SPCS3: variants seen among roughly 807,000 people sequenced by gnomAD.
The protein encoded by SPCS3 is SPase 22 kDa subunit.
SPCS3 carries 9 observed loss-of-function variants against 17.2 expected under a neutral mutation model. The observed-to-expected ratio is 0.52, with a 90% CI of 0.31 to 0.91. The LOEUF is 0.91. Among genes scored for constraint, SPCS3 ranks in the 40% least tolerant of loss-of-function variants. SPCS3 has a pLI of 0.04. For synonymous variants in SPCS3, 87 were observed against 89.6 expected (o/e 0.97, Z 0.16); for missense variants, 139 against 217.5 (o/e 0.64, Z 2.27).
rs770442267 is a variant in SPCS3 at position 176,328,219 on chromosome 4, G to T, written c.432G>T (p.Leu144Phe). 3 of 1,612,658 alleles carry T rather than the reference G, an allele frequency of 1.9e-6. No individual in the cohort carries two copies. The highest frequency in any genetic ancestry group is 2.7e-5 in the African/African-American group (2 of 74,782). The change falls in exon 5 of 5, where the codon TTG becomes TTT. Residue 144 changes from leucine to phenylalanine, a missense_variant. Leu to Phe is a conservative substitution (Grantham distance 22). Transcript: ENST00000503362. The part of the protein sequence containing the change: ...NGLKGNRNVT[L>F]TLSWNVVPNA... ...ATAGGGGAAACAGGAATGTCACTTTGACCCTGTCTTGGAACGTCGTACCAA... is the reference window on the plus strand; with the variant it reads ...ATAGGGGAAACAGGAATGTCACTTTTACCCTGTCTTGGAACGTCGTACCAA...
chr4:176,320,480 C>T (rs1407477604), intron 1 of SPCS3: 1 of 223,378 alleles, frequency 4.5e-6, no homozygotes, highest in Non-Finnish European at 8.6e-6. Context: ...TTCCTCAGGT[C>T]GGTGCCTCCG....
chr4:176,324,189 A>G lies in SPCS3; in HGVS notation c.226A>G (p.Asn76Asp). The change falls in exon 3 of 5, where the codon AAT (asparagine) becomes GAT (aspartate). Residue 76 changes from asparagine (N) to aspartate (D), a missense_variant. Coordinates refer to ENST00000503362, the MANE Select transcript of SPCS3 (RefSeq NM_021928.4). ...ITFDITADLE[N>D]IFDWNVKQLF... Reference sequence around the variant, plus strand: ...TTCCTTAATTTACTTACATCTAGAGAATATATTTGATTGGAATGTTAAGCA... The same window carrying G: ...TTCCTTAATTTACTTACATCTAGAGGATATATTTGATTGGAATGTTAAGCA... 1 of 1,166,840 alleles carries G rather than the reference A, an allele frequency of 8.6e-7. No individual in the cohort carries two copies. The highest frequency in any genetic ancestry group is 1.2e-6 in the Non-Finnish European group (1 of 848,138). The allele number at this position is 1,166,840 out of a possible 1,614,324, so 72.3% of individuals were successfully genotyped here.
chr4:176,322,366 C>G, intron 2 of SPCS3, 123 bp downstream of exon 2: 1 of 608,412 alleles, frequency 1.6e-6, no homozygotes, highest in Non-Finnish European at 2.8e-6. Flanking sequence ...GAAATTCCGC[C>G]TTTTTCATCA....
chr4:176,329,726 C>T lies in SPCS3; in HGVS notation c.*1396C>T, dbSNP rs186839159. 4.6e-5 allele frequency: 7 copies of T among 151,734 alleles called. No individual in the cohort carries two copies. The highest frequency in any genetic ancestry group is 1.0e-4 in the Non-Finnish European group (7 of 67,920). 9.4% of individuals were successfully genotyped at this position (151,734 alleles called of 1,614,324 possible). A position where few individuals can be genotyped will look rare whatever the true frequency, so the allele number is the denominator to read the frequency against. On this transcript the variant is annotated 3_prime_UTR_variant, in exon 5 of 5. Coordinates refer to ENST00000503362, the MANE Select transcript of SPCS3 (RefSeq NM_021928.4). Reference sequence around the variant, plus strand: ...TTTCTGCAGTGGACAAATAAACATCCTCAAAGTAGCAACTGCAAATCAGTT... The same window carrying T: ...TTTCTGCAGTGGACAAATAAACATCTTCAAAGTAGCAACTGCAAATCAGTT...
At chr4:176,320,432 A>T in intron 1 of SPCS3, 1 of 313,712 alleles carries the variant, frequency 3.2e-6, no homozygotes, top group Non-Finnish European at 5.7e-6. Context: ...CCTCCACCGT[A>T]AATTCCCGGG....
At chr4:176,325,065 T>TTTTG in intron 3 of SPCS3, among the ~76,000 whole-genome samples, 1 of 150,384 alleles carries the variant, frequency 6.6e-6, no homozygotes, top group Non-Finnish European at 1.5e-5. Flanking sequence ...TTTTTTTTTT[T>TTTTG]TTTAAGACAG....
intron 3 of SPCS3, 76 bp downstream of exon 3, chr4:176,324,333 A>G (rs1218390693): frequency 8.8e-6 from 6 of 680,250 alleles, no homozygotes; most frequent in East Asian, 5.7e-5. Flanking sequence ...ACATTTTTAT[A>G]TATTTAAAAT....
intron 4 of SPCS3, 164 bp downstream of exon 4, chr4:176,327,441 G>T: frequency 2.2e-6 from 1 of 454,108 alleles, no homozygotes; most frequent in Non-Finnish European, 4.0e-6. Flanking sequence ...TGCAAAGTGA[G>T]ATCTAAGATA....
chr4:176,327,386 G>A (rs1731621444), intron 4 of SPCS3, 109 bp downstream of exon 4: 2 of 657,450 alleles, frequency 3.0e-6, no homozygotes, highest in Non-Finnish European at 4.9e-6. Flanking sequence ...GAAAAATTGG[G>A]AAAGAAGTAT....
At position 176,331,512 on chromosome 4, in the gene SPCS3, C is replaced by T. The variant is rs1474716765; in HGVS notation, c.*3182C>T. On this transcript the variant is annotated 3_prime_UTR_variant, in exon 5 of 5. Coordinates refer to ENST00000503362, the MANE Select transcript of SPCS3 (RefSeq NM_021928.4). ...TTGATGCAATTTGGGAAATTGTTTA[C>T]TTCACAATGTAGTCATTCATAAAAA... 6.6e-6 allele frequency: 1 copy of T among 152,152 alleles called. No individual in the cohort carries two copies. Among genetic ancestry groups the T allele is most frequent in the East Asian group, 1.9e-4 (1 of 5,196 alleles). 9.4% of individuals were successfully genotyped at this position (152,152 alleles called of 1,614,324 possible).
At position 176,320,187 on chromosome 4, in the gene SPCS3, C is replaced by G. The variant is rs553936134; in HGVS notation, c.111C>G (p.Val37=). Residue 37 remains valine, a synonymous_variant, in exon 1 of 5, where the codon GTC becomes GTG. Transcript: ENST00000503362. ...FITTAFKDRS[V]PVRLHVSRIM... ...CCACCGCCTTCAAAGACAGGAGCGTCCCGGTGCGGCTGCACGTCTCGCGGA... is the reference window on the plus strand; with the variant it reads ...CCACCGCCTTCAAAGACAGGAGCGTGCCGGTGCGGCTGCACGTCTCGCGGA... 1.9e-6 allele frequency: 3 copies of G among 1,577,176 alleles called. 1 individual carries two copies. The highest frequency in any genetic ancestry group is 2.3e-5 in the South Asian group (2 of 87,736).
At chr4:176,320,435 T>G in intron 1 of SPCS3, 5 of 297,972 alleles carry the variant, frequency 1.7e-5, no homozygotes, top group Non-Finnish European at 2.4e-5. Flanking sequence ...CCACCGTAAA[T>G]TCCCGGGCTT....
intron 2 of SPCS3, among the ~76,000 whole-genome samples, chr4:176,323,121 A>G (rs1731559510): frequency 6.6e-6 from 1 of 152,164 alleles, no homozygotes; most frequent in Non-Finnish European, 1.5e-5. Flanking sequence ...GGATTTAGAA[A>G]TAGGCTAAGA....
intron 3 of SPCS3, among the ~76,000 whole-genome samples, chr4:176,324,549 A>G (rs1366522030): frequency 6.6e-6 from 1 of 152,228 alleles, no homozygotes; most frequent in Non-Finnish European, 1.5e-5. Context: ...TCAGCCCTTA[A>G]GTCAGATAGA....
In SPCS3 at chr4:176,330,244, A is replaced by T. The variant is rs1731666157; in HGVS notation, c.*1914A>T. The T allele has an allele frequency of 6.6e-6, 1 of 152,200 alleles. No individual in the cohort carries two copies. Among genetic ancestry groups the T allele is most frequent in the South Asian group, 2.1e-4 (1 of 4,834 alleles). 9.4% of individuals were successfully genotyped at this position (152,200 alleles called of 1,614,324 possible). A position where few individuals can be genotyped will look rare whatever the true frequency, so the allele number is the denominator to read the frequency against. On this transcript the variant is annotated 3_prime_UTR_variant, in exon 5 of 5. Coordinates refer to ENST00000503362, the MANE Select transcript of SPCS3 (RefSeq NM_021928.4). ...TTCTGTTAGATTTTACACTCTGAAA[A>T]TTTCACCTCATTTAGTTTGTACAAA...
intron 1 of SPCS3, 101 bp downstream of exon 1, chr4:176,320,320 C>A: frequency 8.8e-7 from 1 of 1,132,740 alleles, no homozygotes; most frequent in Non-Finnish European, 1.1e-6. Context: ...GGGCCGCGGG[C>A]AGGGCGTCCG....
intron 4 of SPCS3, 97 bp from the exon 5 acceptor site, chr4:176,328,101 T>C (rs1471916631): frequency 1.8e-6 from 2 of 1,120,942 alleles, no homozygotes; most frequent in Non-Finnish European, 2.6e-6. Context: ...GAATAGATGG[T>C]TATAAATAAA....
intron 3 of SPCS3, among the ~76,000 whole-genome samples, chr4:176,325,710 G>C (rs1731597434): frequency 6.6e-6 from 1 of 152,020 alleles, no homozygotes; most frequent in Non-Finnish European, 1.5e-5. Flanking sequence ...GAGTATCTGA[G>C]TACTTGAACT....
At chr4:176,324,915 A>T (rs145878265) in intron 3 of SPCS3, among the ~76,000 whole-genome samples, 13 of 152,296 alleles carry the variant, frequency 8.5e-5, no homozygotes, top group African/African-American at 3.1e-4. Context: ...GATAGATCTG[A>T]TAACTTGGCT....
Sources: allele counts gnomAD v4.1 joint callset (sites outside exome capture counted in the v4.1 genomes callset), GRCh38; gene constraint gnomAD v4.1.1; transcripts MANE v1.5; gene names NCBI Gene and HGNC (gene_info 2026-07-23, HGNC 2026-07-21).